Variants in ATP2C2 observed in about 807,000 individuals in gnomAD.
ATP2C2 encodes ATPase secretory pathway Ca2+ transporting 2.
Under a neutral mutation model 110.8 loss-of-function variants are expected in ATP2C2, and 171 were observed. The ratio of observed to expected loss-of-function variants is 1.54; its 90% confidence interval spans 1.36 to 1.75. The LOEUF (loss-of-function observed/expected upper bound fraction) is 1.75, where lower values mean the gene tolerates loss of function less well. Among genes scored for constraint, ATP2C2 ranks in the 40% most tolerant of loss-of-function variants. The probability of loss-of-function intolerance (pLI) is 0.00; values close to 1 mark genes in which losing one functional copy is unlikely to be tolerated. For missense variants in ATP2C2, 1,963 were observed against 1,235.0 expected (o/e 1.59, Z -8.84); for synonymous variants, 804 against 508.4 (o/e 1.58, Z -7.82).
Position 84,422,437 on chromosome 16 carries a change from G to A in ATP2C2, c.672G>A (p.Glu224=), listed in dbSNP as rs1907425443. 6.2e-7 allele frequency: 1 copy of A among 1,614,164 alleles called. No homozygotes were observed. Among genetic ancestry groups the A allele is most frequent in the Non-Finnish European group, 8.5e-7 (1 of 1,180,040 alleles). ...AATCCAGTTTCACCGGGGAAGCCGA[G>A]CCATGTAGTAAAACAGACAGCCCCT... ...VDESSFTGEA[E]PCSKTDSPLT... Residue 224 remains glutamate, a synonymous_variant, in exon 8 of 27, where the codon GAG becomes GAA. Coordinates refer to ENST00000262429, the MANE Select transcript of ATP2C2 (RefSeq NM_014861.4).
intron 21 of ATP2C2, among the ~76,000 whole-genome samples, chr16:84,456,347 T>G (rs1372098725): frequency 2.0e-5 from 3 of 151,990 alleles, no homozygotes; most frequent in Non-Finnish European, 4.4e-5. Context: ...TCTTCCTGGT[T>G]TAGTCTTGGG....
chr16:84,447,383 A>G (rs1312378629), intron 16 of ATP2C2, among the ~76,000 whole-genome samples: 2 of 152,100 alleles, frequency 1.3e-5, no homozygotes, highest in Non-Finnish European at 2.9e-5. Flanking sequence ...GTATAGAAAT[A>G]TGACATAAAA....
At chr16:84,395,739 A>T in intron 1 of ATP2C2, among the ~76,000 whole-genome samples, 1 of 152,088 alleles carries the variant, frequency 6.6e-6, no homozygotes, top group East Asian at 1.9e-4. Context: ...ACTTTAGATG[A>T]TCTGCCTGCC....
rs1247542263 is a variant in ATP2C2 at position 84,453,179 on chromosome 16, T to C, written c.1873T>C (p.Ser625Pro). 2.5e-6 allele frequency: 4 copies of C among 1,613,748 alleles called. 1 individual carries two copies. The highest frequency in any genetic ancestry group is 2.2e-5 in the South Asian group (2 of 91,076). ...GLCNGKLQAM[S>P]GEEVDSVEKG... Reference sequence around the variant, plus strand: ...GTGCAACGGGAAGCTGCAAGCCATGTCCGGGGAGGAGGTGGACAGCGTGGA... The same window carrying C: ...GTGCAACGGGAAGCTGCAAGCCATGCCCGGGGAGGAGGTGGACAGCGTGGA... The change falls in exon 19 of 27, where the codon TCC becomes CCC. Residue 625 changes from serine (S) to proline (P), a missense_variant. Physicochemically the swap from Ser to Pro is moderately conservative, Grantham distance 74. Transcript: ENST00000262429.
intron 7 of ATP2C2, among the ~76,000 whole-genome samples, chr16:84,421,004 C>T (rs188716661): frequency 6.6e-6 from 1 of 152,100 alleles, no homozygotes; most frequent in Non-Finnish European, 1.5e-5. Context: ...CAGGGTTTCA[C>T]TGTGTTGGCC....
At chr16:84,461,621 C>T (rs1911347310) in intron 24 of ATP2C2, 93 bp from the exon 25 acceptor site, 6 of 1,155,400 alleles carry the variant, frequency 5.2e-6, no homozygotes, top group Middle Eastern at 2.0e-4. Flanking sequence ...CCCAGCCATG[C>T]CCCAGGAGCA....
rs996977068 is a variant in ATP2C2, at chr16:84,368,667, G to A, written c.52G>A (p.Gly18Arg). 14 of 1,565,318 alleles carry A rather than the reference G, an allele frequency of 8.9e-6. No homozygotes were observed. The African/African-American group carries it at 1.5e-4, about 17-fold the overall frequency. The stretch of plus-strand genomic sequence containing the variant: ...CCTGAAGAAACTCGGCTTCTCGGGC[G>A]GGGGCCGCCAGTACCAGGCGCTGGA... ...EFLKKLGFSG[G>R]GRQYQALEKD... Residue 18 changes from glycine (G) to arginine (R), a missense_variant, in exon 1 of 27, where the codon GGG becomes AGG. By Grantham distance (125) the Gly-to-Arg change is moderately radical. Coordinates refer to ENST00000262429, the MANE Select transcript of ATP2C2 (RefSeq NM_014861.4).
rs1908456451 is a variant in ATP2C2 at position 84,433,415 on chromosome 16, A to ATG, written c.987-5751_987-5750insTG. The stretch of plus-strand genomic sequence containing the variant: ...AAAAACAAAAGAAAACCAAAAAACC[A>ATG]AAAAAATCTCCTGCAGATCATGAGT... On this transcript the variant is annotated intron_variant, in intron 11 of 26. Coordinates refer to ENST00000262429, the MANE Select transcript of ATP2C2 (RefSeq NM_014861.4). Among the ~76,000 whole-genome samples, 34 of 151,596 alleles carry ATG rather than the reference A, an allele frequency of 2.2e-4. No individual in the cohort carries two copies. The South Asian group carries it at 6.7e-3, about 30-fold the overall frequency.
intron 2 of ATP2C2, among the ~76,000 whole-genome samples, chr16:84,400,684 T>A (rs549755685): frequency 6.6e-6 from 1 of 152,292 alleles, no homozygotes; most frequent in South Asian, 2.1e-4. Flanking sequence ...TAATTTACAT[T>A]CCTACCAACA....
At chr16:84,382,291 C>G (rs1910623602) in intron 1 of ATP2C2, among the ~76,000 whole-genome samples, 1 of 152,170 alleles carries the variant, frequency 6.6e-6, no homozygotes, top group South Asian at 2.1e-4. Context: ...CAGCTTCATC[C>G]ATGTCCCTGC....
intron 4 of ATP2C2, 63 bp from the exon 5 acceptor site, chr16:84,410,505 C>G: frequency 1.3e-6 from 2 of 1,548,554 alleles, no homozygotes; most frequent in Non-Finnish European, 8.9e-7. Context: ...CCTAGCCTGC[C>G]ACGCCCTGTC....
Position 84,425,716 on chromosome 16 carries a change from G to A in ATP2C2, c.920-19G>A, listed in dbSNP as rs1319765272. The A allele has an allele frequency of 6.2e-6, 10 of 1,613,170 alleles. No individual in the cohort carries two copies. Among genetic ancestry groups the A allele is most frequent in the Non-Finnish European group, 8.5e-6 (10 of 1,179,240 alleles). ...GTGTAGTGCATATGGAGATAAGGAT[G>A]TTTTTGTCTCTTCCCCAGGTCTCAT... On this transcript the variant is annotated intron_variant, in intron 10 of 26. Transcript: ENST00000262429.
At chr16:84,445,837 G>C (rs944995626) in intron 15 of ATP2C2, among the ~76,000 whole-genome samples, 2 of 152,202 alleles carry the variant, frequency 1.3e-5, no homozygotes, top group Admixed American at 6.5e-5. Context: ...GGGATGCATG[G>C]GTCATGACTG....
chr16:84,448,142 T>C (rs1213337431), intron 16 of ATP2C2, among the ~76,000 whole-genome samples: 1 of 152,106 alleles, frequency 6.6e-6, no homozygotes, highest in African/African-American at 2.4e-5. Flanking sequence ...CAAAATAGAC[T>C]TGGTGCTGCC....
intron 2 of ATP2C2, among the ~76,000 whole-genome samples, chr16:84,399,913 A>G (rs946129298): frequency 2.0e-5 from 3 of 152,250 alleles, no homozygotes; most frequent in African/African-American, 4.8e-5. Flanking sequence ...CTTTCTCCCA[A>G]CTACCCTTTC....
In ATP2C2 at chr16:84,398,593, T is replaced by G; in HGVS notation, c.194T>G (p.Leu65Trp). ...GCGTGCAAATGCCAGAAAGAGGATTTGGCCAGAGCGTTTTGTGTAAGAATT... is the reference window on the plus strand; with the variant it reads ...GCGTGCAAATGCCAGAAAGAGGATTGGGCCAGAGCGTTTTGTGTAAGAATT... ...KEACKCQKEDLARAFCVDLHT... is the reference protein window; with the variant it reads ...KEACKCQKEDWARAFCVDLHT... The change falls in exon 2 of 27, where the codon TTG becomes TGG. Residue 65 changes from leucine (L) to tryptophan (W), a missense_variant. Transcript: ENST00000262429. 1 of 1,611,734 alleles carries G rather than the reference T, an allele frequency of 6.2e-7. No individual in the cohort carries two copies.
intron 2 of ATP2C2, among the ~76,000 whole-genome samples, chr16:84,399,442 G>A (rs917818045): frequency 6.6e-6 from 1 of 152,170 alleles, no homozygotes; most frequent in Admixed American, 6.5e-5. Flanking sequence ...TCCTCTACCA[G>A]CAAGTACAGT....
intron 11 of ATP2C2, among the ~76,000 whole-genome samples, chr16:84,426,718 T>C (rs2150550552): frequency 6.6e-6 from 1 of 152,214 alleles, no homozygotes; most frequent in Middle Eastern, 3.4e-3. Flanking sequence ...TTAATACTGG[T>C]TTACAACTCT....
chr16:84,398,056 G>A (rs1191341609), intron 1 of ATP2C2, among the ~76,000 whole-genome samples: 2 of 151,792 alleles, frequency 1.3e-5, no homozygotes, highest in Admixed American at 1.3e-4. Context: ...ATAAGGGTTA[G>A]TTTGTGAGCT....
Sources: allele counts gnomAD v4.1 joint callset (sites outside exome capture counted in the v4.1 genomes callset), GRCh38; gene constraint gnomAD v4.1.1; transcripts MANE v1.5; gene names NCBI Gene and HGNC (gene_info 2026-07-23, HGNC 2026-07-21).